Variants in PTGER3 observed in about 807,000 individuals in gnomAD.
The protein encoded by PTGER3 is prostaglandin E2 receptor EP3 subtype.
Under a neutral mutation model 34.7 loss-of-function variants are expected in PTGER3, and 22 were observed. That is an observed-to-expected ratio of 0.63 (90% confidence interval 0.45 to 0.91). The LOEUF (loss-of-function observed/expected upper bound fraction) is 0.91, where lower values mean the gene tolerates loss of function less well. PTGER3 is among the 40% of genes least tolerant of loss of function. The pLI is 0.00. For synonymous variants in PTGER3, 241 were observed against 230.1 expected, an observed-to-expected ratio of 1.05 and a Z score of -0.43; for missense variants, 468 against 519.4, an observed-to-expected ratio of 0.90 and a Z score of 0.96.
At chr1:71,006,613 A>G (rs1454865524) in intron 2 of PTGER3, 1 of 978,326 alleles carries the variant, frequency 1.0e-6, no homozygotes, top group Non-Finnish European at 1.2e-6. Context: ...ACAAAGAAAC[A>G]TCATGTTGAA....
At chr1:71,035,046 A>C (rs554367683) in intron 1 of PTGER3, among the ~76,000 whole-genome samples, 3 of 152,212 alleles carry the variant, frequency 2.0e-5, no homozygotes, top group Non-Finnish European at 4.4e-5. Flanking sequence ...AGTTCTTGAA[A>C]GGTAAAAAAT....
intron 4 of PTGER3, among the ~76,000 whole-genome samples, chr1:70,885,874 G>A (rs1646487580): frequency 1.3e-5 from 2 of 152,186 alleles, no homozygotes; most frequent in African/African-American, 4.8e-5. Flanking sequence ...TGGCAAAGGA[G>A]CTTTCAAAGG....
At chr1:70,986,252 CG>C (rs1654902673) in intron 2 of PTGER3, among the ~76,000 whole-genome samples, 1 of 152,134 alleles carries the variant, frequency 6.6e-6, no homozygotes, top group African/African-American at 2.4e-5. Flanking sequence ...AATCGACTCT[CG>C]GGGCTGCTTT....
chr1:70,938,413 A>G (rs1649438673), intron 4 of PTGER3, among the ~76,000 whole-genome samples: 1 of 152,182 alleles, frequency 6.6e-6, no homozygotes, highest in Admixed American at 6.5e-5. Flanking sequence ...GAATTTAAAT[A>G]TTTTGGAAAA....
chr1:71,010,453 A>G (rs1320324165), intron 2 of PTGER3: 1 of 983,930 alleles, frequency 1.0e-6, no homozygotes, highest in East Asian at 1.1e-4. Context: ...GACAGTTTCT[A>G]TATTCCAGGT....
chr1:71,011,432 C>T, intron 2 of PTGER3: 1 of 985,236 alleles, frequency 1.0e-6, no homozygotes, highest in Non-Finnish European at 1.2e-6. Context: ...ATAGTTAGTG[C>T]TCAAATCGGT....
Position 71,047,365 on chromosome 1 carries a change from C to A in PTGER3, c.213G>T (p.Leu71=). The A allele has an allele frequency of 6.2e-7, 1 of 1,610,488 alleles. No individual in the cohort carries two copies. The highest frequency in any genetic ancestry group is 1.3e-5 in the African/African-American group (1 of 75,050). ...TGFVGNALAM[L]LVSRSYRRRE... ...GGCGCCGGTAGCTGCGCGACACGAG[C>A]AGCATGGCCAGTGCGTTGCCCACGA... The change falls in exon 1 of 4, where the codon CTG becomes CTT. Residue 71 remains leucine (L), a synonymous_variant. Coordinates refer to ENST00000306666, the MANE Select transcript of PTGER3 (RefSeq NM_198719.2).
intron 1 of PTGER3, among the ~76,000 whole-genome samples, chr1:71,036,826 G>A (rs1026734799): frequency 2.8e-5 from 4 of 144,234 alleles, no homozygotes; most frequent in Non-Finnish European, 3.1e-5. Flanking sequence ...GTGACAGAAC[G>A]AGACTTTGTC....
intron 2 of PTGER3, chr1:71,008,773 T>G: frequency 1.0e-6 from 1 of 960,384 alleles, no homozygotes; most frequent in Non-Finnish European, 1.2e-6. Context: ...CAAGCAGCTG[T>G]GAAAATTTGT....
chr1:70,950,933 CT>C (rs1404745560), downstream of PTGER3: 3 of 152,070 alleles, frequency 2.0e-5, no homozygotes, highest in Non-Finnish European at 2.9e-5. Flanking sequence ...CCAGGCTGGC[CT>C]AAAACCCCTG....
intron 4 of PTGER3, among the ~76,000 whole-genome samples, chr1:70,937,505 T>C (rs1278006078): frequency 6.6e-5 from 10 of 152,156 alleles, no homozygotes; most frequent in Admixed American, 1.3e-4. Flanking sequence ...AAGTACACTA[T>C]GCAAAGTGGA....
intron 1 of PTGER3, among the ~76,000 whole-genome samples, chr1:71,013,729 T>C (rs1657651778): frequency 6.6e-6 from 1 of 151,168 alleles, no homozygotes; most frequent in African/African-American, 2.4e-5. Flanking sequence ...GAAAACAAAT[T>C]GGAACTATTT....
chr1:70,937,577 G>C (rs13374231), intron 4 of PTGER3, among the ~76,000 whole-genome samples: 41,962 of 152,014 alleles, frequency 0.28, 6,467 homozygotes, highest in African/African-American at 0.41. Context: ...CTGAGAATTT[G>C]GAATTTGGAT....
At chr1:70,909,041 A>T (rs1455088149) in intron 4 of PTGER3, among the ~76,000 whole-genome samples, 1 of 152,204 alleles carries the variant, frequency 6.6e-6, no homozygotes, top group Non-Finnish European at 1.5e-5. Flanking sequence ...CATGCAAATG[A>T]GGATGCTTAT....
chr1:70,979,712 C>A (rs899883412), intron 2 of PTGER3, among the ~76,000 whole-genome samples: 16 of 152,236 alleles, frequency 1.1e-4, no homozygotes, highest in Middle Eastern at 3.4e-3. Context: ...TTCCATTGAG[C>A]GTTCTCACAC....
intron 4 of PTGER3, among the ~76,000 whole-genome samples, chr1:70,925,296 T>C (rs6675130): frequency 0.37 from 55,874 of 152,152 alleles, 10,488 homozygotes; most frequent in Middle Eastern, 0.51. Flanking sequence ...TGAGCCACCA[T>C]GCTCAGCTAC....
At chr1:70,867,882 C>T (rs143445720) in intron 4 of PTGER3, among the ~76,000 whole-genome samples, 12 of 152,224 alleles carry the variant, frequency 7.9e-5, no homozygotes, top group Admixed American at 1.3e-4. Flanking sequence ...CCTTCAGTGG[C>T]TCAAGTTTAT....
chr1:70,913,245 T>G (rs1302510279), intron 4 of PTGER3, among the ~76,000 whole-genome samples: 2 of 151,956 alleles, frequency 1.3e-5, no homozygotes, highest in Non-Finnish European at 2.9e-5. Flanking sequence ...ATATTTCATA[T>G]TTTTGATGCT....
At position 71,012,426 on chromosome 1, in the gene PTGER3, G is replaced by A. The variant is rs13306020; in HGVS notation, c.956C>T (p.Thr319Met). ...GAAGTTGCATTCTTTCTGCTTCTCCGTGTGTGTCTTGCAGTGCTCAACTGA... is the reference window on the plus strand; with the variant it reads ...GAAGTTGCATTCTTTCTGCTTCTCCATGTGTGTCTTGCAGTGCTCAACTGA... ...QTSVEHCKTH[T>M]EKQKECNFFL... The change falls in exon 2 of 4, where the codon ACG becomes ATG. Residue 319 changes from threonine to methionine, a missense_variant. Thr to Met is a moderately conservative substitution (Grantham distance 81). Around this residue, in one of 5 missense-constraint regions of PTGER3, gnomAD observed 204 missense variants for 230.8 expected, o/e 0.88. Transcript: ENST00000306666. 2.7e-4 allele frequency: 441 copies of A among 1,614,096 alleles called. 4 individuals are homozygous for A. In the East Asian group the frequency reaches 7.5e-3, roughly 28 times the overall value.
Sources: gnomAD v4.1 joint callset for allele counts (sites outside exome capture counted in the v4.1 genomes callset) on GRCh38, gnomAD v4.1.1 for gene constraint, gnomAD v4.1.1 regional missense constraint, MANE v1.5 for transcripts, NCBI Gene and HGNC (gene_info 2026-07-23, HGNC 2026-07-21) for gene names.